Variants in SPARCL1 observed in about 807,000 individuals in gnomAD.
The protein encoded by SPARCL1 is SPARC-like protein 1.
A neutral mutation model predicts 67.1 loss-of-function variants in SPARCL1; 52 were observed. The ratio of observed to expected loss-of-function variants is 0.78; its 90% CI spans 0.62 to 0.98. SPARCL1 has a LOEUF of 0.98. Ranked by LOEUF, SPARCL1 falls within the 50% of genes least tolerant of loss-of-function variation. The probability of loss-of-function intolerance (pLI) is 0.00; values close to 1 mark genes in which losing one functional copy is unlikely to be tolerated. For synonymous variants in SPARCL1, 226 were observed against 267.8 expected (o/e 0.84, Z 1.52); for missense variants, 717 against 782.4 (o/e 0.92, Z 1.00).
At chr4:87,500,808 A>G (rs1243789580) in intron 1 of SPARCL1, among the ~76,000 whole-genome samples, 1 of 146,746 alleles carries the variant, frequency 6.8e-6, no homozygotes. Flanking sequence ...ATACGCGCGC[A>G]CGCACACACT....
At chr4:87,477,439 C>T (rs1723626928) in intron 10 of SPARCL1, among the ~76,000 whole-genome samples, 1 of 152,194 alleles carries the variant, frequency 6.6e-6, no homozygotes, top group South Asian at 2.1e-4. Context: ...TCTCCTTCTC[C>T]TCCTCCTGCT....
chr4:87,495,452 T>C (rs1724578557), intron 2 of SPARCL1, among the ~76,000 whole-genome samples: 1 of 152,246 alleles, frequency 6.6e-6, no homozygotes, highest in South Asian at 2.1e-4. Flanking sequence ...ATTTGTACTT[T>C]ACAATTTTGG....
chr4:87,479,905 A>T (rs1723738866), intron 9 of SPARCL1, among the ~76,000 whole-genome samples: 1 of 152,116 alleles, frequency 6.6e-6, no homozygotes, highest in African/African-American at 2.4e-5. Context: ...CTTGACCCAC[A>T]TTGGGCCAAT....
intron 1 of SPARCL1, among the ~76,000 whole-genome samples, chr4:87,502,381 A>G (rs1724888284): frequency 6.6e-6 from 1 of 152,144 alleles, no homozygotes; most frequent in African/African-American, 2.4e-5. Flanking sequence ...CCTATTAGCT[A>G]TAGTTTTACG....
At chr4:87,524,547 GACCGCTTATTC>G (rs1239651939) in intron 1 of SPARCL1, among the ~76,000 whole-genome samples, 1 of 152,184 alleles carries the variant, frequency 6.6e-6, no homozygotes, top group Non-Finnish European at 1.5e-5. Flanking sequence ...GCAGATGCCT[GACCGCTTATTC>G]ACCATGATTG....
At position 87,478,376 on chromosome 4, in the gene SPARCL1, T is replaced by C. The variant is rs190053023; in HGVS notation, c.1966+1054A>G. Among the ~76,000 whole-genome samples, 250 of 150,870 alleles carry C rather than the reference T, an allele frequency of 1.7e-3. 1 individual carries two copies. Among genetic ancestry groups the C allele is most frequent in the African/African-American group, 5.7e-3 (233 of 40,848 alleles). ...GCATTACCTCACATACTATCATTTT[T>C]GTGTGTGTGTGTGTGGTGAGAATTG... On this transcript the variant is annotated intron_variant, in intron 10 of 10. Transcript: ENST00000282470.
chr4:87,490,136 A>G lies in SPARCL1; in HGVS notation c.1531+137T>C, dbSNP rs80030156. 3,759 of 917,450 alleles carry G rather than the reference A, an allele frequency of 4.1e-3. 101 individuals are homozygous for G. The African/African-American group carries it at 0.057, about 14-fold the overall frequency. The allele number at this position is 917,450 out of a possible 1,614,324, so 56.8% of individuals were successfully genotyped here. On this transcript the variant is annotated intron_variant, in intron 7 of 10. Transcript: ENST00000282470. The stretch of plus-strand genomic sequence containing the variant: ...TAAGGCCTGAGAGTTCTTATTTTTT[A>G]AGTTTCTCCAGTTGATAATTTTTGT...
At chr4:87,491,444 TATCAAGTATGCAC>T (rs1239056301) in intron 5 of SPARCL1, among the ~76,000 whole-genome samples, 161 bp downstream of exon 5, 1 of 152,242 alleles carries the variant, frequency 6.6e-6, no homozygotes, top group Non-Finnish European at 1.5e-5. Context: ...CATTGTTGTA[TATCAAGTATGCAC>T]AAGAAAATGT....
chr4:87,490,798 C>T lies in SPARCL1; in HGVS notation c.1372G>A (p.Asp458Asn), dbSNP rs200212509. The change falls in exon 6 of 11, where the codon GAT (aspartate) becomes AAT (asparagine). Residue 458 changes from aspartate to asparagine, a missense_variant. Transcript: ENST00000282470. The part of the protein sequence containing the change: ...QQGKPHCVCQ[D>N]PVTCPPTKPL... ...TTTGTTGGAGGACAAGTCACTGGAT[C>T]CTGGCAGACACAGTGAGGTTTTCCC... The T allele has an allele frequency of 2.3e-5, 37 of 1,612,520 alleles. No homozygotes were observed. Among genetic ancestry groups the T allele is most frequent in the Admixed American group, 3.3e-5 (2 of 59,826 alleles).
At chr4:87,486,417 T>G (rs1194741816) in intron 7 of SPARCL1, among the ~76,000 whole-genome samples, 5 of 152,180 alleles carry the variant, frequency 3.3e-5, no homozygotes, top group African/African-American at 1.2e-4. Context: ...TTGATTGCAG[T>G]GTGGTCTGAG....
rs759620861 is a variant in SPARCL1, at chr4:87,490,408, T to C, written c.1411-15A>G. The C allele has an allele frequency of 8.8e-6, 14 of 1,594,356 alleles. No individual in the cohort carries two copies. The highest frequency in any genetic ancestry group is 1.2e-5 in the Non-Finnish European group (14 of 1,174,100). On this transcript the variant is annotated splice_polypyrimidine_tract_variant and intron_variant, in intron 6 of 10. Coordinates refer to ENST00000282470, the MANE Select transcript of SPARCL1 (RefSeq NM_004684.6). Reference sequence around the variant, plus strand: ...GTGCCACAAACCTATGGAAGATAAGTAGAAGAAAAAGCTGATAGAGCCAAA... The same window carrying C: ...GTGCCACAAACCTATGGAAGATAAGCAGAAGAAAAAGCTGATAGAGCCAAA...
chr4:87,497,684 T>C (rs1724676796), intron 2 of SPARCL1, among the ~76,000 whole-genome samples: 1 of 152,246 alleles, frequency 6.6e-6, no homozygotes, highest in Non-Finnish European at 1.5e-5. Flanking sequence ...GTTTACATGA[T>C]ATCAAATTGT....
At chr4:87,515,850 G>C (rs555270218) in intron 1 of SPARCL1, among the ~76,000 whole-genome samples, 57 of 152,316 alleles carry the variant, frequency 3.7e-4, no homozygotes, top group Admixed American at 3.7e-3. Flanking sequence ...ACTCACATGA[G>C]TAACTGCCTT....
At chr4:87,502,003 A>G (rs548027766) in intron 1 of SPARCL1, among the ~76,000 whole-genome samples, 10 of 150,406 alleles carry the variant, frequency 6.6e-5, no homozygotes, top group Non-Finnish European at 1.5e-4. Context: ...GGGTTTCGCC[A>G]TGATACCCAG....
At chr4:87,519,487 C>T (rs909667208) in intron 1 of SPARCL1, among the ~76,000 whole-genome samples, 2 of 152,198 alleles carry the variant, frequency 1.3e-5, no homozygotes, top group African/African-American at 4.8e-5. Flanking sequence ...TTCATTAACT[C>T]TGTAGCCATA....
rs1724340764 is a variant in SPARCL1 at position 87,491,799 on chromosome 4, T to C, written c.1219-109A>G. 13 of 843,450 alleles carry C rather than the reference T, an allele frequency of 1.5e-5. No homozygotes were observed. The South Asian group carries it at 1.5e-4, about 10-fold the overall frequency. The allele number at this position is 843,450 out of a possible 1,614,324, so 52.2% of individuals were successfully genotyped here. Reference sequence around the variant, plus strand: ...CGAGTATTTTTCATGCTCAAATCATTTCAAATCTCAGAAAGGGAAACCAGG... The same window carrying C: ...CGAGTATTTTTCATGCTCAAATCATCTCAAATCTCAGAAAGGGAAACCAGG... On this transcript the variant is annotated intron_variant, in intron 4 of 10. Transcript: ENST00000282470.
At chr4:87,508,635 A>G (rs1725210973) in intron 1 of SPARCL1, among the ~76,000 whole-genome samples, 1 of 151,954 alleles carries the variant, frequency 6.6e-6, no homozygotes, top group South Asian at 2.1e-4. Flanking sequence ...CCTTGGGGAG[A>G]AAAAGTAGCA....
intron 10 of SPARCL1, among the ~76,000 whole-genome samples, chr4:87,474,529 T>G (rs1723483750): frequency 6.6e-6 from 1 of 152,178 alleles, no homozygotes; most frequent in African/African-American, 2.4e-5. Flanking sequence ...TTGTCCTTTT[T>G]CTTGACGTTA....
Position 87,499,561 on chromosome 4 carries a change from A to T in SPARCL1, c.14T>A (p.Leu5His). ...AGTTCCCAAGAGACATAGGAAAAAA[A>T]GCCCAGTCTTCATGCTTTCCAGATC... MKTG[L>H]FFLCLLGTAA... Residue 5 changes from leucine to histidine, a missense_variant, in exon 2 of 11, where the codon CTT (leucine) becomes CAT (histidine). By Grantham distance (99) the Leu-to-His change is moderately conservative. Coordinates refer to ENST00000282470, the MANE Select transcript of SPARCL1 (RefSeq NM_004684.6). 2 of 1,591,082 alleles carry T rather than the reference A, an allele frequency of 1.3e-6. No homozygotes were observed. The highest frequency in any genetic ancestry group is 8.5e-7 in the Non-Finnish European group (1 of 1,174,640).
Sources: gnomAD v4.1 joint callset for allele counts (sites outside exome capture counted in the v4.1 genomes callset) on GRCh38, gnomAD v4.1.1 for gene constraint, MANE v1.5 for transcripts, NCBI Gene and HGNC (gene_info 2026-07-23, HGNC 2026-07-21) for gene names.